Variants in OPCML observed in about 807,000 individuals in gnomAD.
The protein encoded by OPCML is opioid-binding protein/cell adhesion molecule.
Under a neutral mutation model 37.8 loss-of-function variants are expected in OPCML, and 13 were observed. The ratio of observed to expected loss-of-function variants is 0.34; its 90% CI spans 0.22 to 0.55. OPCML has a LOEUF of 0.55. Among genes scored for constraint, OPCML ranks in the 20% least tolerant of loss-of-function variants. The pLI is 0.91. For synonymous variants in OPCML, 176 were observed against 168.8 expected (o/e 1.04, Z -0.33); for missense variants, 341 against 435.6 (o/e 0.78, Z 1.93).
intron 3 of OPCML, among the ~76,000 whole-genome samples, chr11:132,639,636 T>C (rs543219308): frequency 6.6e-6 from 1 of 152,336 alleles, no homozygotes; most frequent in East Asian, 1.9e-4. Flanking sequence ...TGTAAATATA[T>C]GCAAATATAC....
chr11:133,190,817 AT>A (rs955723035), intron 1 of OPCML, among the ~76,000 whole-genome samples: 77 of 151,880 alleles, frequency 5.1e-4, no homozygotes, highest in African/African-American at 1.7e-3. Flanking sequence ...TTAGTGTTTT[AT>A]TTTTTTTAAT....
chr11:132,989,602 CGTGTGTGTGTGT>C (rs72145712), intron 1 of OPCML, among the ~76,000 whole-genome samples: 7,281 of 139,516 alleles, frequency 0.052, 211 homozygotes, highest in African/African-American at 0.065. Context: ...GGTCCTAGAG[CGTGTGTGTGTGT>C]GTGTGTGTGT....
At chr11:133,373,551 G>A (rs1944731476) in intron 1 of OPCML, among the ~76,000 whole-genome samples, 1 of 149,974 alleles carries the variant, frequency 6.7e-6, no homozygotes, top group South Asian at 2.1e-4. Context: ...CCTGAGCCTG[G>A]GAGGTGGAGG....
chr11:132,451,963 T>C (rs2096069399), intron 4 of OPCML, among the ~76,000 whole-genome samples: 1 of 152,080 alleles, frequency 6.6e-6, no homozygotes. Context: ...CGGTACAGAG[T>C]AGGTTTCAAT....
chr11:133,516,139 G>A (rs780825970), intron 1 of OPCML, among the ~76,000 whole-genome samples: 3 of 152,132 alleles, frequency 2.0e-5, no homozygotes, highest in East Asian at 1.9e-4. Flanking sequence ...TGCGACCCCC[G>A]CAGAGGGAGA....
chr11:133,303,822 A>C (rs76155648), intron 1 of OPCML, among the ~76,000 whole-genome samples: 51 of 152,328 alleles, frequency 3.3e-4, no homozygotes, highest in African/African-American at 1.2e-3. Flanking sequence ...ATAGAAAAAA[A>C]GTTGCAGAAT....
At chr11:132,664,718 C>T (rs1261479292) in intron 2 of OPCML, among the ~76,000 whole-genome samples, 2 of 152,204 alleles carry the variant, frequency 1.3e-5, no homozygotes, top group African/African-American at 4.8e-5. Context: ...TTTAACTACT[C>T]ATTTATTTCC....
In OPCML at chr11:132,659,272, A is replaced by C. The variant is rs1450601247; in HGVS notation, c.147-1953T>G. Among the ~76,000 whole-genome samples the C allele has an allele frequency of 2.6e-5, 4 of 152,240 alleles. No homozygotes were observed. In the East Asian group the frequency reaches 7.7e-4, roughly 29 times the overall value. ...GGATCCTCCCTGCTCCCCACTTTCA[A>C]AGGCTTTTCTTGGGGAAAAAATATG... is the stretch of plus-strand genomic sequence containing the variant. On this transcript the variant is annotated intron_variant, in intron 2 of 7. Transcript: ENST00000524381.
intron 1 of OPCML, among the ~76,000 whole-genome samples, chr11:133,043,147 T>C (rs1184429073): frequency 6.6e-6 from 1 of 152,258 alleles, no homozygotes; most frequent in Non-Finnish European, 1.5e-5. Context: ...TTCCACCTCA[T>C]CAACTCTCCT....
chr11:132,817,751 GC>G (rs1225414588), intron 2 of OPCML, among the ~76,000 whole-genome samples: 2 of 151,324 alleles, frequency 1.3e-5, no homozygotes, highest in Non-Finnish European at 1.5e-5. Flanking sequence ...CCTTGTAACT[GC>G]CCCCCTCCCC....
intron 1 of OPCML, among the ~76,000 whole-genome samples, chr11:133,190,967 TG>T (rs1938287314): frequency 6.6e-6 from 1 of 152,196 alleles, no homozygotes; most frequent in Non-Finnish European, 1.5e-5. Flanking sequence ...TGAAAGTTTT[TG>T]TGTAGACATA....
chr11:132,871,191 A>C (rs1042478740), intron 2 of OPCML, among the ~76,000 whole-genome samples: 1 of 150,874 alleles, frequency 6.6e-6, no homozygotes, highest in Admixed American at 6.6e-5. Context: ...TCACTCGTTA[A>C]TTAAAATTTT....
rs754352060 is a variant in OPCML at position 132,999,769 on chromosome 11, C to T, written c.62-56759G>A. Among the ~76,000 whole-genome samples the T allele has an allele frequency of 5.9e-5, 9 of 152,202 alleles. No homozygotes were observed. In the East Asian group the frequency reaches 7.8e-4, roughly 13 times the overall value. ...GAGTCTCTCCAAAAGAAAAGAGCTA[C>T]GAGACAGCAAAAAGTAGAGCTTCAG... On this transcript the variant is annotated intron_variant, in intron 1 of 7. Coordinates refer to ENST00000524381, the MANE Select transcript of OPCML (RefSeq NM_001012393.5).
intron 2 of OPCML, among the ~76,000 whole-genome samples, chr11:132,766,723 T>C (rs1473043159): frequency 6.6e-6 from 1 of 151,980 alleles, no homozygotes; most frequent in Non-Finnish European, 1.5e-5. Context: ...GGACAATGCC[T>C]TGACAGAAGA....
Position 133,243,334 on chromosome 11 carries a change from G to A in OPCML, c.61+288930C>T, listed in dbSNP as rs549573047. 3.3e-5 allele frequency among the ~76,000 whole-genome samples: 5 copies of A among 152,328 alleles called. No individual in the cohort carries two copies. In the East Asian group the frequency reaches 9.7e-4, roughly 29 times the overall value. On this transcript the variant is annotated intron_variant, in intron 1 of 7. Transcript: ENST00000524381. ...TGGAAAGGTGTAGGCTGGGTTTCCAGGTGAGTTAACAGTGAGTGGAGTGAG... is the reference window on the plus strand; with the variant it reads ...TGGAAAGGTGTAGGCTGGGTTTCCAAGTGAGTTAACAGTGAGTGGAGTGAG...
chr11:132,459,550 TAGAG>T (rs1319435935), intron 4 of OPCML, among the ~76,000 whole-genome samples: 3 of 148,578 alleles, frequency 2.0e-5, no homozygotes, highest in Non-Finnish European at 4.5e-5. Context: ...TATATATAGA[TAGAG>T]AGAGAGAAAG....
intron 1 of OPCML, among the ~76,000 whole-genome samples, chr11:132,946,586 C>T (rs1945749538): frequency 6.6e-6 from 1 of 152,186 alleles, no homozygotes; most frequent in African/African-American, 2.4e-5. Context: ...TTCTATACCA[C>T]TGTCATATAT....
chr11:132,843,244 G>C (rs1941378140), intron 2 of OPCML, among the ~76,000 whole-genome samples: 1 of 152,066 alleles, frequency 6.6e-6, no homozygotes, highest in East Asian at 1.9e-4. Context: ...ACAGTCATGT[G>C]CCACCATGCC....
intron 2 of OPCML, among the ~76,000 whole-genome samples, chr11:132,753,544 G>T (rs954398900): frequency 4.6e-5 from 7 of 152,310 alleles, no homozygotes; most frequent in African/African-American, 1.7e-4. Flanking sequence ...CTAAATAGAT[G>T]TGTACCCATT....
Sources: allele counts gnomAD v4.1 joint callset (sites outside exome capture counted in the v4.1 genomes callset), GRCh38; gene constraint gnomAD v4.1.1; transcripts MANE v1.5; gene names NCBI Gene and HGNC (gene_info 2026-07-23, HGNC 2026-07-21).